Variants in LNP1 observed in about 807,000 individuals in gnomAD.
The protein encoded by LNP1 is leukemia NUP98 fusion partner 1.
In LNP1, 12 loss-of-function variants were observed where a neutral mutation model predicts 14.5. That is an observed-to-expected ratio of 0.83 (90% confidence interval 0.53 to 1.34). The LOEUF is 1.34. Ranked by LOEUF, LNP1 falls within the 40% of genes most tolerant of loss-of-function variation. The probability of loss-of-function intolerance (pLI) is 0.00; values close to 1 mark genes in which losing one functional copy is unlikely to be tolerated. For synonymous variants in LNP1, 75 were observed against 71.4 expected, an observed-to-expected ratio of 1.05 and a Z score of -0.26; for missense variants, 198 against 210.9, an observed-to-expected ratio of 0.94 and a Z score of 0.38.
chr3:100,408,961 T>A (rs1706998375), intron 1 of LNP1, among the ~76,000 whole-genome samples: 1 of 152,224 alleles, frequency 6.6e-6, no homozygotes, highest in Non-Finnish European at 1.5e-5. Context: ...CATAGATAGT[T>A]GTTCAAATTC....
Position 100,451,803 on chromosome 3 carries a change from C to T in LNP1, c.241C>T (p.His81Tyr), listed in dbSNP as rs770905356. The change falls in exon 3 of 4, where the codon CAC (histidine) becomes TAC (tyrosine). Residue 81 changes from histidine to tyrosine, a missense_variant. His to Tyr is a moderately conservative substitution (Grantham distance 83). Coordinates refer to ENST00000383693, the MANE Select transcript of LNP1 (RefSeq NM_001085451.2). ...HEDQEFRCRSHVRDYRKYSED... is the reference protein window; with the variant it reads ...HEDQEFRCRSYVRDYRKYSED... ...GGACCAAGAATTTCGATGCCGTAGC[C>T]ACGTACGGGATTACAGAAAATACTC... The T allele has an allele frequency of 4.0e-6, 3 of 743,392 alleles. No individual in the cohort carries two copies. The South Asian group carries it at 7.0e-5, about 17-fold the overall frequency. The allele number at this position is 743,392 out of a possible 1,614,324, so 46.0% of individuals were successfully genotyped here.
chr3:100,436,552 A>G (rs972178078), intron 2 of LNP1, among the ~76,000 whole-genome samples: 12 of 152,068 alleles, frequency 7.9e-5, no homozygotes, highest in African/African-American at 2.9e-4. Flanking sequence ...GTTGACACTT[A>G]GAAATTTTTT....
At chr3:100,454,844 C>T (rs935706476) in intron 3 of LNP1, among the ~76,000 whole-genome samples, 1 of 152,188 alleles carries the variant, frequency 6.6e-6, no homozygotes, top group African/African-American at 2.4e-5. Context: ...GCAAGCATGA[C>T]CTTGCTCATG....
chr3:100,453,530 G>A (rs1416285639), intron 3 of LNP1, among the ~76,000 whole-genome samples: 3 of 149,288 alleles, frequency 2.0e-5, no homozygotes, highest in South Asian at 2.1e-4. Context: ...TGAGACTGCC[G>A]TCAGCTATGA....
At chr3:100,445,473 T>C (rs1707378571) in intron 2 of LNP1, among the ~76,000 whole-genome samples, 1 of 152,172 alleles carries the variant, frequency 6.6e-6, no homozygotes. Flanking sequence ...GCTGTCAGTG[T>C]TTAACATTTA....
At chr3:100,427,981 G>T (rs1251227097) in intron 1 of LNP1, among the ~76,000 whole-genome samples, 1 of 152,164 alleles carries the variant, frequency 6.6e-6, no homozygotes, top group Non-Finnish European at 1.5e-5. Context: ...TTATCTTTTT[G>T]CAGCTCAAGG....
chr3:100,436,467 C>G (rs1383573255), intron 2 of LNP1, among the ~76,000 whole-genome samples: 2 of 151,782 alleles, frequency 1.3e-5, no homozygotes, highest in Non-Finnish European at 2.9e-5. Context: ...TAATAAGATG[C>G]TTTCCCTCTC....
At chr3:100,444,397 CA>C (rs1296580364) in intron 2 of LNP1, among the ~76,000 whole-genome samples, 1 of 152,286 alleles carries the variant, frequency 6.6e-6, no homozygotes, top group East Asian at 1.9e-4. Flanking sequence ...TTCTGGAACA[CA>C]TACCAATAAC....
chr3:100,429,570 C>G, intron 1 of LNP1, 127 bp from the exon 2 acceptor site: 1 of 639,300 alleles, frequency 1.6e-6, no homozygotes, highest in Admixed American at 2.8e-5. Flanking sequence ...TTTAGTAAAT[C>G]TTTCTCCTTT....
chr3:100,456,015 G>A lies in LNP1; in HGVS notation c.*89G>A, dbSNP rs1373707007. The A allele has an allele frequency of 2.8e-6, 4 of 1,431,404 alleles. No homozygotes were observed. The East Asian group carries it at 9.2e-5, about 33-fold the overall frequency. 88.7% of individuals were successfully genotyped at this position (1,431,404 alleles called of 1,614,324 possible). A position where few individuals can be genotyped will look rare whatever the true frequency, so the allele number is the denominator to read the frequency against. On this transcript the variant is annotated 3_prime_UTR_variant, in exon 4 of 4. Coordinates refer to ENST00000383693, the MANE Select transcript of LNP1 (RefSeq NM_001085451.2). ...TCACCATTTCAGGATGTGGATGGGG[G>A]CGGGGTTGGGGGTAAAAACAGCTAT...
At chr3:100,425,886 G>A (rs1707187762) in intron 1 of LNP1, among the ~76,000 whole-genome samples, 1 of 152,196 alleles carries the variant, frequency 6.6e-6, no homozygotes, top group Non-Finnish European at 1.5e-5. Flanking sequence ...TCTAGGAACA[G>A]CTGCATTTAT....
chr3:100,428,741 G>A (rs1707217016), intron 1 of LNP1, among the ~76,000 whole-genome samples: 1 of 152,064 alleles, frequency 6.6e-6, no homozygotes, highest in South Asian at 2.1e-4. Flanking sequence ...ATCACTAGTA[G>A]ACTGAATTTT....
At chr3:100,403,749 C>G in intron 1 of LNP1, among the ~76,000 whole-genome samples, 1 of 152,202 alleles carries the variant, frequency 6.6e-6, no homozygotes, top group East Asian at 1.9e-4. Context: ...GACCTGAATT[C>G]TTATTCTAAA....
chr3:100,410,517 G>T (rs759083320), intron 1 of LNP1, among the ~76,000 whole-genome samples: 2 of 152,170 alleles, frequency 1.3e-5, no homozygotes, highest in Non-Finnish European at 2.9e-5. Flanking sequence ...AGTATCAAAG[G>T]TACCCCTTGG....
intron 2 of LNP1, among the ~76,000 whole-genome samples, chr3:100,442,111 T>A (rs1322117681): frequency 1.3e-5 from 2 of 152,220 alleles, no homozygotes; most frequent in East Asian, 3.8e-4. Context: ...CATTAAAAAA[T>A]TTTAAAAATC....
intron 2 of LNP1, among the ~76,000 whole-genome samples, chr3:100,448,017 A>G (rs1707404579): frequency 6.6e-6 from 1 of 152,188 alleles, no homozygotes. Flanking sequence ...GATTAACTTC[A>G]GATTCTAAAT....
At chr3:100,437,222 A>G (rs547887290) in intron 2 of LNP1, among the ~76,000 whole-genome samples, 1 of 152,318 alleles carries the variant, frequency 6.6e-6, no homozygotes, top group Non-Finnish European at 1.5e-5. Flanking sequence ...TCTCAGTGGC[A>G]TATGGTTTAT....
chr3:100,409,300 T>TC (rs770691859), intron 1 of LNP1, among the ~76,000 whole-genome samples: 2 of 152,108 alleles, frequency 1.3e-5, no homozygotes, highest in Non-Finnish European at 2.9e-5. Context: ...CTATCAGCTC[T>TC]CCTTGGTCTC....
intron 1 of LNP1, among the ~76,000 whole-genome samples, chr3:100,405,072 A>G (rs1396950778): frequency 6.6e-6 from 1 of 152,146 alleles, no homozygotes; most frequent in East Asian, 1.9e-4. Context: ...GATTACAGGC[A>G]TGAGCTACTG....
Sources: allele counts gnomAD v4.1 joint callset (sites outside exome capture counted in the v4.1 genomes callset), GRCh38; gene constraint gnomAD v4.1.1; transcripts MANE v1.5; gene names NCBI Gene and HGNC (gene_info 2026-07-23, HGNC 2026-07-21).